IL20RB: variants seen among roughly 807,000 people sequenced by gnomAD.
The protein encoded by IL20RB is interleukin 20 receptor subunit beta, also known as interleukin-20 receptor subunit beta.
Under a neutral mutation model 33.3 loss-of-function variants are expected in IL20RB, and 21 were observed. That is an observed-to-expected ratio of 0.63 (90% CI 0.45 to 0.91). The LOEUF is 0.91. IL20RB is among the 40% of genes least tolerant of loss of function. IL20RB has a pLI of 0.00. For synonymous variants in IL20RB, 147 were observed against 146.8 expected, an observed-to-expected ratio of 1.00 and a Z score of -0.01; for missense variants, 345 against 384.8, an observed-to-expected ratio of 0.90 and a Z score of 0.86.
chr3:137,001,205 A>AGT (rs1173414318), intron 6 of IL20RB, among the ~76,000 whole-genome samples: 3 of 152,144 alleles, frequency 2.0e-5, no homozygotes, highest in Non-Finnish European at 4.4e-5. Flanking sequence ...AGACGTCACT[A>AGT]CCCTTGACTA....
At chr3:136,962,693 A>C (rs1486088164) in intron 1 of IL20RB, among the ~76,000 whole-genome samples, 1 of 151,554 alleles carries the variant, frequency 6.6e-6, no homozygotes, top group Non-Finnish European at 1.5e-5. Flanking sequence ...CAGAGGTTGC[A>C]GCGAGCCGAG....
chr3:136,982,239 G>GTCACT lies in IL20RB; in HGVS notation c.296_300dup (p.Asp101SerfsTer29). On this transcript the variant is annotated frameshift_variant, in exon 3 of 7. Coordinates refer to ENST00000329582, the MANE Select transcript of IL20RB (RefSeq NM_144717.4). LOFTEE classifies it high-confidence loss of function. ...ACTCACTGAAGGTCCTGAGTGTGATGTCACTGATGACATCACGGCCACTGT... is the reference window on the plus strand; with the variant it reads ...ACTCACTGAAGGTCCTGAGTGTGATGTCACTTCACTGATGACATCACGGCCACTGT... 1 of 1,610,904 alleles carries GTCACT rather than the reference G, an allele frequency of 6.2e-7. No individual in the cohort carries two copies.
At chr3:136,991,227 T>G (rs1942024975) in intron 4 of IL20RB, among the ~76,000 whole-genome samples, 1 of 152,210 alleles carries the variant, frequency 6.6e-6, no homozygotes, top group African/African-American at 2.4e-5. Context: ...TCTGCACAAA[T>G]GTTACCCTAT....
intron 1 of IL20RB, among the ~76,000 whole-genome samples, chr3:136,971,872 G>A (rs72978756): frequency 6.6e-6 from 1 of 152,150 alleles, no homozygotes; most frequent in Non-Finnish European, 1.5e-5. Flanking sequence ...TGGCTGGATG[G>A]AATGGTAATT....
chr3:136,966,849 C>T (rs1249160802), intron 1 of IL20RB, among the ~76,000 whole-genome samples: 7 of 44,798 alleles, frequency 1.6e-4, no homozygotes, highest in Non-Finnish European at 2.8e-4. Flanking sequence ...TATAAATTTC[C>T]CTCTACACAC....
chr3:137,002,173 A>G (rs1455169743), intron 6 of IL20RB, among the ~76,000 whole-genome samples: 2 of 152,152 alleles, frequency 1.3e-5, no homozygotes, highest in African/African-American at 4.8e-5. Context: ...CCAGTCTATC[A>G]TTGATGGACA....
chr3:136,982,445 A>G, intron 3 of IL20RB, 95 bp downstream of exon 3: 7 of 946,654 alleles, frequency 7.4e-6, no homozygotes, highest in African/African-American at 1.6e-5. Flanking sequence ...TAGCATCAGA[A>G]TAGTCCTGCA....
intron 5 of IL20RB, among the ~76,000 whole-genome samples, chr3:136,994,173 GA>G (rs200257320): frequency 3.3e-5 from 5 of 151,952 alleles, no homozygotes; most frequent in Admixed American, 6.5e-5. Context: ...ATATGGGCAC[GA>G]AAAAAACAGA....
chr3:136,986,373 C>T (rs1265739886), intron 3 of IL20RB, among the ~76,000 whole-genome samples: 2 of 152,194 alleles, frequency 1.3e-5, no homozygotes, highest in African/African-American at 4.8e-5. Flanking sequence ...AACAACTCTT[C>T]TCTGAACTGA....
chr3:136,962,148 A>C (rs562534107), intron 1 of IL20RB, among the ~76,000 whole-genome samples: 47 of 152,358 alleles, frequency 3.1e-4, no homozygotes, highest in Non-Finnish European at 4.0e-4. Flanking sequence ...TTATTACAAG[A>C]AATATCCATC....
intron 3 of IL20RB, among the ~76,000 whole-genome samples, chr3:136,983,966 A>G (rs901947204): frequency 3.9e-5 from 6 of 152,080 alleles, no homozygotes; most frequent in African/African-American, 1.4e-4. Flanking sequence ...GCCCCCAAGA[A>G]GCTGGGAATA....
chr3:136,972,847 T>G (rs1317594789), intron 1 of IL20RB, among the ~76,000 whole-genome samples: 2 of 152,148 alleles, frequency 1.3e-5, no homozygotes, highest in East Asian at 3.8e-4. Flanking sequence ...GGGTTTGCTT[T>G]GTTCTTGCTT....
chr3:136,997,115 C>T (rs144217610), intron 6 of IL20RB, among the ~76,000 whole-genome samples: 4,043 of 143,162 alleles, frequency 0.028, 94 homozygotes, highest in Non-Finnish European at 0.041. Context: ...TTTTTTTTTT[C>T]GAGACGGAGT....
intron 6 of IL20RB, among the ~76,000 whole-genome samples, chr3:137,008,802 A>T (rs1933004329): frequency 1.3e-5 from 2 of 152,180 alleles, no homozygotes; most frequent in Admixed American, 1.3e-4. Flanking sequence ...TATTTTGGAT[A>T]TATTTGTTAA....
intron 5 of IL20RB, 94 bp from the exon 6 acceptor site, chr3:136,995,320 G>T (rs1327174017): frequency 7.0e-7 from 1 of 1,433,628 alleles, no homozygotes; most frequent in Non-Finnish European, 9.6e-7. Context: ...TAGCCAATGT[G>T]CAGAGTCAAC....
chr3:136,980,952 C>T lies in IL20RB; in HGVS notation c.215+360C>T, dbSNP rs200016591. 9.2e-5 allele frequency among the ~76,000 whole-genome samples: 14 copies of T among 152,294 alleles called. No individual in the cohort carries two copies. In the East Asian group the frequency reaches 2.3e-3, roughly 25 times the overall value. The stretch of plus-strand genomic sequence containing the variant: ...CACTTTTCCTGACTATAAGCTTATA[C>T]CTAGAGCCAAAACGAACTATAATCC... On this transcript the variant is annotated intron_variant, in intron 2 of 6. Coordinates refer to ENST00000329582, the MANE Select transcript of IL20RB (RefSeq NM_144717.4).
At chr3:137,008,799 G>C (rs1203664802) in intron 6 of IL20RB, among the ~76,000 whole-genome samples, 2 of 151,996 alleles carry the variant, frequency 1.3e-5, no homozygotes, top group African/African-American at 4.8e-5. Flanking sequence ...TAATATTTTG[G>C]ATATATTTGT....
At chr3:136,992,701 T>C (rs2108210280) in intron 5 of IL20RB, among the ~76,000 whole-genome samples, 1 of 152,226 alleles carries the variant, frequency 6.6e-6, no homozygotes, top group Non-Finnish European at 1.5e-5. Flanking sequence ...AACTATTTTT[T>C]TAAAAAGACG....
At chr3:137,006,746 A>G (rs1320371013) in intron 6 of IL20RB, among the ~76,000 whole-genome samples, 1 of 152,112 alleles carries the variant, frequency 6.6e-6, no homozygotes, top group Non-Finnish European at 1.5e-5. Context: ...TTTTGTTATT[A>G]CCGACCTTCT....
Sources: allele counts gnomAD v4.1 joint callset (sites outside exome capture counted in the v4.1 genomes callset), GRCh38; gene constraint gnomAD v4.1.1; transcripts MANE v1.5; gene names NCBI Gene and HGNC (gene_info 2026-07-23, HGNC 2026-07-21).